Variants in DAB1 observed in about 807,000 individuals in gnomAD.
DAB1 encodes DAB adaptor protein 1.
DAB1 carries 15 observed loss-of-function variants against 64.6 expected under a neutral mutation model. The observed-to-expected ratio is 0.23, with a 90% confidence interval of 0.16 to 0.36. DAB1 has a LOEUF of 0.36. DAB1 is among the 10% of genes least tolerant of loss of function. The pLI, the probability that DAB1 is intolerant of heterozygous loss-of-function variation, is 1.00. For synonymous variants in DAB1, 235 were observed against 251.9 expected (o/e 0.93, Z 0.64); for missense variants, 596 against 706.7 (o/e 0.84, Z 1.78).
At chr1:58,355,646 G>A (rs1318371) in intron 3 of DAB1, among the ~76,000 whole-genome samples, 70,271 of 151,966 alleles carry the variant, frequency 0.46, 16,727 homozygotes, top group East Asian at 0.59. Context: ...ACTTGTAGGT[G>A]AGAGAAGGCA....
rs1340689051 is a variant in DAB1 at position 57,062,898 on chromosome 1, T to C, written c.709A>G (p.Ser237Gly). 1 of 1,613,760 alleles carries C rather than the reference T, an allele frequency of 6.2e-7. No homozygotes were observed. The highest frequency in any genetic ancestry group is 8.5e-7 in the Non-Finnish European group (1 of 1,179,646). The stretch of plus-strand genomic sequence containing the variant: ...GATGTACTTACACTTACAGGTTGAC[T>C]TTTTGGCACATCATAAACACCTTCC... ...KKEGVYDVPK[S>G]QPVSAVTQLE... Residue 237 changes from serine to glycine, a missense_variant, in exon 9 of 15, where the codon AGT becomes GGT. Ser to Gly is a moderately conservative substitution (Grantham distance 56). Around this residue, in one of 3 missense-constraint regions of DAB1, gnomAD observed 176 missense variants for 266.7 expected, o/e 0.66. Coordinates refer to ENST00000371236, the MANE Select transcript of DAB1 (RefSeq NM_001365792.1).
At chr1:57,636,751 T>C (rs777649339) in intron 7 of DAB1, among the ~76,000 whole-genome samples, 6 of 152,156 alleles carry the variant, frequency 3.9e-5, no homozygotes, top group Non-Finnish European at 8.8e-5. Context: ...GAAAAGGTTA[T>C]GGAAGGAATA....
chr1:57,277,374 G>A lies in DAB1; in HGVS notation c.67+13590C>T, dbSNP rs191771734. On this transcript the variant is annotated intron_variant, in intron 2 of 14. Coordinates refer to ENST00000371236, the MANE Select transcript of DAB1 (RefSeq NM_001365792.1). Reference sequence around the variant, plus strand: ...ACATTAGTCTTCTCCCTATGAAAACGGTTTTTTTTCCTACAAACATATATA... The same window carrying A: ...ACATTAGTCTTCTCCCTATGAAAACAGTTTTTTTTCCTACAAACATATATA... Among the ~76,000 whole-genome samples the A allele has an allele frequency of 1.3e-3, 204 of 152,130 alleles. 2 individuals carry two copies. The highest frequency in any genetic ancestry group is 2.3e-3 in the Non-Finnish European group (155 of 68,014).
At chr1:57,566,796 C>T (rs1386367911) in intron 7 of DAB1, among the ~76,000 whole-genome samples, 2 of 152,098 alleles carry the variant, frequency 1.3e-5, no homozygotes, top group African/African-American at 4.8e-5. Context: ...AGCCTACCAA[C>T]CAAAAAAAGT....
chr1:57,474,357 A>G (rs191080162), intron 7 of DAB1, among the ~76,000 whole-genome samples: 11 of 152,336 alleles, frequency 7.2e-5, no homozygotes, highest in Admixed American at 1.3e-4. Flanking sequence ...TACAGCCACG[A>G]AAACAAGTCC....
At chr1:57,274,829 G>A (rs1056895103) in intron 2 of DAB1, among the ~76,000 whole-genome samples, 10 of 151,900 alleles carry the variant, frequency 6.6e-5, no homozygotes, top group Non-Finnish European at 1.0e-4. Flanking sequence ...TGATCTGCCC[G>A]CCTTGGCCTC....
At chr1:57,921,536 GA>G (rs1463343974) in intron 5 of DAB1, among the ~76,000 whole-genome samples, 6 of 152,138 alleles carry the variant, frequency 3.9e-5, no homozygotes, top group Non-Finnish European at 7.4e-5. Context: ...CCAATCCTCA[GA>G]GCTGTCTTCA....
In DAB1 at chr1:58,399,362, G is replaced by C. The variant is rs764122844; in HGVS notation, n.258-55959C>G. Among the ~76,000 whole-genome samples, 15 of 152,306 alleles carry C rather than the reference G, an allele frequency of 9.8e-5. No homozygotes were observed. In the South Asian group the frequency reaches 3.1e-3, roughly 32 times the overall value. ...GATGTGATGACTTGCTCAAGGTTAC[G>C]ACCAGTGACAGAAGCAGGGCTGGGA... On this transcript the variant is annotated intron_variant and non_coding_transcript_variant, in intron 3 of 20. Coordinates refer to the DAB1 transcript ENST00000485760.
At chr1:57,717,639 C>T (rs1647099755) in intron 6 of DAB1, among the ~76,000 whole-genome samples, 1 of 152,066 alleles carries the variant, frequency 6.6e-6, no homozygotes, top group African/African-American at 2.4e-5. Flanking sequence ...TACAGTGTTA[C>T]TCACAATAGC....
intron 5 of DAB1, among the ~76,000 whole-genome samples, chr1:57,978,439 G>T (rs987316861): frequency 6.6e-6 from 1 of 152,076 alleles, no homozygotes; most frequent in Admixed American, 6.6e-5. Context: ...AGACTCAAAC[G>T]TAAGACCCAG....
At chr1:57,758,547 G>T (rs1648924005) in intron 6 of DAB1, among the ~76,000 whole-genome samples, 1 of 152,192 alleles carries the variant, frequency 6.6e-6, no homozygotes. Context: ...CAGATGAGGT[G>T]TTCAGAAAGC....
At chr1:58,182,402 C>T (rs1656842641) in intron 4 of DAB1, among the ~76,000 whole-genome samples, 1 of 151,778 alleles carries the variant, frequency 6.6e-6, no homozygotes, top group South Asian at 2.1e-4. Flanking sequence ...CTTTCAATTG[C>T]TTATGAGACT....
At chr1:58,194,078 C>A (rs964227558) in intron 4 of DAB1, among the ~76,000 whole-genome samples, 1 of 152,140 alleles carries the variant, frequency 6.6e-6, no homozygotes, top group African/African-American at 2.4e-5. Context: ...TATCTCTGTC[C>A]AAATCTGTAT....
At chr1:58,084,061 C>T (rs951249509) in intron 5 of DAB1, among the ~76,000 whole-genome samples, 3 of 152,056 alleles carry the variant, frequency 2.0e-5, no homozygotes, top group Non-Finnish European at 4.4e-5. Context: ...TATCCAGGGA[C>T]CAGGAGTGGC....
intron 7 of DAB1, among the ~76,000 whole-genome samples, chr1:57,535,981 C>T (rs1644722708): frequency 6.6e-6 from 1 of 152,182 alleles, no homozygotes; most frequent in African/African-American, 2.4e-5. Context: ...TTCTGAAAAA[C>T]TTGAAGTCCT....
At chr1:57,581,316 G>A (rs755294803) in intron 7 of DAB1, among the ~76,000 whole-genome samples, 3 of 152,162 alleles carry the variant, frequency 2.0e-5, no homozygotes, top group Non-Finnish European at 2.9e-5. Flanking sequence ...TAAAATGAGC[G>A]ACCTAAATAT....
At chr1:57,857,884 A>AG (rs201879182) in intron 1 of DAB1, among the ~76,000 whole-genome samples, 2 of 151,248 alleles carry the variant, frequency 1.3e-5, no homozygotes, top group East Asian at 3.9e-4. Flanking sequence ...GAAAAAAAAA[A>AG]GACCTTAGAA....
intron 5 of DAB1, chr1:58,048,778 C>G: frequency 3.4e-6 from 4 of 1,185,288 alleles, no homozygotes; most frequent in Non-Finnish European, 5.0e-6. Context: ...ACAGTTGTGG[C>G]CATTCACAGT....
At chr1:58,197,973 A>C (rs1475770584) in intron 4 of DAB1, among the ~76,000 whole-genome samples, 1 of 152,206 alleles carries the variant, frequency 6.6e-6, no homozygotes, top group Non-Finnish European at 1.5e-5. Flanking sequence ...GAGATTCCCA[A>C]GTACAGTAGT....
Sources: allele counts gnomAD v4.1 joint callset (sites outside exome capture counted in the v4.1 genomes callset), GRCh38; gene constraint gnomAD v4.1.1; regional missense constraint gnomAD v4.1.1; transcripts MANE v1.5; gene names NCBI Gene and HGNC (gene_info 2026-07-23, HGNC 2026-07-21).